The following COP1 variants were observed in gnomAD, a reference collection of about 807,000 sequenced individuals.
COP1 encodes the protein COP1 E3 ubiquitin ligase.
In COP1, 24 loss-of-function variants were observed where a neutral mutation model predicts 101.3. The ratio of observed to expected loss-of-function variants is 0.24; its 90% CI spans 0.17 to 0.33. The LOEUF is 0.33. COP1 is among the 10% of genes least tolerant of loss of function. The pLI is 1.00. For synonymous variants in COP1, 347 were observed against 341.9 expected (o/e 1.01, Z -0.17); for missense variants, 663 against 906.2 (o/e 0.73, Z 3.45).
chr1:176,074,607 T>C (rs1362942108), intron 11 of COP1, among the ~76,000 whole-genome samples: 1 of 152,148 alleles, frequency 6.6e-6, no homozygotes, highest in African/African-American at 2.4e-5. Context: ...AACTAAGATC[T>C]TGTTTAGGTC....
chr1:176,136,296 T>C (rs1689785690), intron 7 of COP1, among the ~76,000 whole-genome samples, 192 bp downstream of exon 7: 1 of 152,074 alleles, frequency 6.6e-6, no homozygotes, highest in Non-Finnish European at 1.5e-5. Flanking sequence ...AAAACAAATT[T>C]AGACTATATT....
At chr1:176,124,635 G>C (rs1277123183) in intron 8 of COP1, among the ~76,000 whole-genome samples, 2 of 152,134 alleles carry the variant, frequency 1.3e-5, no homozygotes, top group South Asian at 2.1e-4. Flanking sequence ...ACTCCATTGA[G>C]TATGTGTACC....
chr1:176,136,423 G>C, intron 7 of COP1, 65 bp downstream of exon 7: 1 of 1,091,124 alleles, frequency 9.2e-7, no homozygotes, highest in Admixed American at 1.9e-5. Flanking sequence ...GCAACTTAAT[G>C]GAAAGGTGAC....
Position 175,952,131 on chromosome 1 carries a change from C to T in COP1, c.2134-4892G>A, listed in dbSNP as rs146864694. On this transcript the variant is annotated intron_variant, in intron 18 of 19. Transcript: ENST00000367669. ...CAATAGGACAGCATCTTTAAGATGA[C>T]AAACAAGAGGCCAGGCGCAGTGGCT... Among the ~76,000 whole-genome samples, 398 of 152,182 alleles carry T rather than the reference C, an allele frequency of 2.6e-3. 3 individuals carry two copies. Among genetic ancestry groups the T allele is most frequent in the African/African-American group, 9.1e-3 (380 of 41,548 alleles).
At chr1:176,124,123 T>A (rs1687607343) in intron 8 of COP1, among the ~76,000 whole-genome samples, 1 of 152,148 alleles carries the variant, frequency 6.6e-6, no homozygotes, top group African/African-American at 2.4e-5. Flanking sequence ...TTTTAAATTT[T>A]TAGTGTTTCT....
intron 15 of COP1, among the ~76,000 whole-genome samples, chr1:176,003,637 G>T (rs1053811472): frequency 1.3e-5 from 2 of 151,980 alleles, no homozygotes; most frequent in African/African-American, 4.8e-5. Context: ...TTTTTCTCAG[G>T]TTTGTCAGAG....
chr1:175,970,179 A>G (rs1171848214), intron 18 of COP1, among the ~76,000 whole-genome samples: 3 of 152,192 alleles, frequency 2.0e-5, no homozygotes, highest in African/African-American at 4.8e-5. Context: ...GAATGTGAAC[A>G]TCAGTTGGTA....
intron 14 of COP1, among the ~76,000 whole-genome samples, chr1:176,040,301 C>A (rs961832475): frequency 6.6e-6 from 1 of 151,706 alleles, no homozygotes; most frequent in Non-Finnish European, 1.5e-5. Context: ...CCTCTCTGTA[C>A]CACCCCCTTT....
chr1:176,165,355 G>A (rs1034472675), intron 3 of COP1, among the ~76,000 whole-genome samples: 1 of 137,342 alleles, frequency 7.3e-6, no homozygotes. Flanking sequence ...AGAGAGAGAT[G>A]TGTGTCGTGT....
chr1:176,122,898 C>T (rs557786183), intron 8 of COP1, among the ~76,000 whole-genome samples: 11 of 152,250 alleles, frequency 7.2e-5, no homozygotes, highest in Non-Finnish European at 1.3e-4. Context: ...TGCTTTATCA[C>T]TTTTGGAAGT....
intron 14 of COP1, among the ~76,000 whole-genome samples, chr1:176,038,261 G>A (rs1669915169): frequency 6.6e-6 from 1 of 152,100 alleles, no homozygotes; most frequent in Admixed American, 6.6e-5. Context: ...CCTACATATG[G>A]AGAGATAAAC....
Position 176,174,007 on chromosome 1 carries a change from A to AAAAAAAAAAAAAAG in COP1, c.565+1902_565+1903insCTTTTTTTTTTTTT, listed in dbSNP as rs1456552067. ...GTCTCAAAAAAAAAAAAAAAAAAAA[A>AAAAAAAAAAAAAAG]AGAGAATATATATAATGTAGGGGAT... On this transcript the variant is annotated intron_variant, in intron 3 of 19. Transcript: ENST00000367669. Among the ~76,000 whole-genome samples the AAAAAAAAAAAAAAG allele has an allele frequency of 5.9e-3, 718 of 121,830 alleles. 72 individuals are homozygous for AAAAAAAAAAAAAAG. The highest frequency in any genetic ancestry group is 9.8e-3 in the Non-Finnish European group (554 of 56,634). The allele number at this position is 121,830 out of a possible 152,430, so 79.9% of individuals were successfully genotyped here.
chr1:176,114,033 G>T (rs1399426887), intron 9 of COP1, among the ~76,000 whole-genome samples: 2 of 148,772 alleles, frequency 1.3e-5, no homozygotes, highest in Non-Finnish European at 3.0e-5. Context: ...TTTTTGTTTC[G>T]CTTCATCAGT....
chr1:176,027,878 A>G (rs367595243), intron 14 of COP1, among the ~76,000 whole-genome samples, 190 bp from the exon 15 acceptor site: 3 of 140,994 alleles, frequency 2.1e-5, no homozygotes, highest in Middle Eastern at 7.1e-3. Context: ...ATAAAAAGAT[A>G]CCTGAAACTG....
At chr1:176,194,743 T>C (rs1385874990) in intron 1 of COP1, among the ~76,000 whole-genome samples, 3 of 151,840 alleles carry the variant, frequency 2.0e-5, no homozygotes, top group African/African-American at 4.8e-5. Context: ...ACGTACATAA[T>C]AGACATGAAG....
At chr1:176,193,536 T>C (rs1344545469) in intron 1 of COP1, among the ~76,000 whole-genome samples, 1 of 152,112 alleles carries the variant, frequency 6.6e-6, no homozygotes, top group East Asian at 1.9e-4. Context: ...TCAACTGAAA[T>C]ATAAATTATA....
chr1:175,983,760 T>C (rs1280730441), intron 18 of COP1, among the ~76,000 whole-genome samples: 2 of 152,290 alleles, frequency 1.3e-5, no homozygotes, highest in East Asian at 3.9e-4. Flanking sequence ...AAGGCTGAGG[T>C]GGTCTCAGAT....
chr1:176,017,003 A>G (rs927791712), intron 15 of COP1, among the ~76,000 whole-genome samples: 3 of 152,192 alleles, frequency 2.0e-5, no homozygotes, highest in Non-Finnish European at 2.9e-5. Flanking sequence ...TAGTACAACA[A>G]ATAATTTTCC....
chr1:175,981,402 AG>A (rs974719886), intron 18 of COP1, among the ~76,000 whole-genome samples: 12 of 152,136 alleles, frequency 7.9e-5, no homozygotes, highest in Non-Finnish European at 1.2e-4. Context: ...CCAGGGAGGA[AG>A]AAAAAAGAAT....
Sources: allele counts gnomAD v4.1 joint callset (sites outside exome capture counted in the v4.1 genomes callset), GRCh38; gene constraint gnomAD v4.1.1; transcripts MANE v1.5; gene names NCBI Gene and HGNC (gene_info 2026-07-23, HGNC 2026-07-21).